The following USP39 variants were observed in gnomAD, a reference collection of about 807,000 sequenced individuals.
USP39 encodes the protein ubiquitin carboxyl-terminal hydrolase 39.
A neutral mutation model predicts 66.4 loss-of-function variants in USP39; 38 were observed. The observed-to-expected ratio is 0.57, with a 90% CI of 0.44 to 0.75. The LOEUF (loss-of-function observed/expected upper bound fraction) is 0.75, where lower values mean the gene tolerates loss of function less well. USP39 is among the 30% of genes least tolerant of loss of function. USP39 has a pLI of 0.00. For missense variants in USP39, 608 were observed against 714.4 expected (o/e 0.85, Z 1.70); for synonymous variants, 303 against 274.6 (o/e 1.10, Z -1.02).
upstream of USP39, chr2:85,611,795 A>G: frequency 1.2e-6 from 2 of 1,610,200 alleles, no homozygotes; most frequent in Non-Finnish European, 1.7e-6. Context: ...CCCTGCGGGG[A>G]GCCGAGCGGG....
chr2:85,611,807 G>A (rs376357460), upstream of USP39: 1,996 of 1,609,568 alleles, frequency 1.2e-3, 40 homozygotes, highest in South Asian at 0.02. Flanking sequence ...CCGAGCGGGA[G>A]TCAGGGACTG....
At chr2:85,630,698 T>G in intron 5 of USP39, 23 bp from the exon 6 acceptor site, 1 of 1,610,940 alleles carries the variant, frequency 6.2e-7, no homozygotes, top group East Asian at 2.2e-5. Context: ...GGCTTTGGGT[T>G]AATCGGAGTG....
chr2:85,632,411 C>T (rs750675816), intron 6 of USP39, among the ~76,000 whole-genome samples: 9 of 151,924 alleles, frequency 5.9e-5, no homozygotes, highest in Non-Finnish European at 1.3e-4. Context: ...CGGAGGAAGA[C>T]CCTGTCTTTA....
At chr2:85,631,313 C>CTTTTTT (rs57173306) in intron 6 of USP39, among the ~76,000 whole-genome samples, 1 of 126,274 alleles carries the variant, frequency 7.9e-6, no homozygotes, top group East Asian at 2.4e-4. Context: ...TGCGCCCGGC[C>CTTTTTT]TTTTTTTTTT....
At position 85,616,335 on chromosome 2, in the gene USP39, C is replaced by T. The variant is rs968925369; in HGVS notation, c.140C>T (p.Pro47Leu). Residue 47 changes from proline (P) to leucine (L), a missense_variant, in exon 1 of 13, where the codon CCT becomes CTT. Physicochemically the swap from Pro to Leu is moderately conservative, Grantham distance 98 (BLOSUM62 -3). Coordinates refer to ENST00000323701, the MANE Select transcript of USP39 (RefSeq NM_006590.4). ...GAGGCGGCGAGCTCCCGGGGCAGCC[C>T]TGTGCGCGTGAAGCGGGAGTTCGAG... is the stretch of plus-strand genomic sequence containing the variant. ...EPEAASSRGS[P>L]VRVKREFEPA... 2 of 1,601,066 alleles carry T rather than the reference C, an allele frequency of 1.2e-6. No homozygotes were observed. Among genetic ancestry groups the T allele is most frequent in the Non-Finnish European group, 1.7e-6 (2 of 1,174,028 alleles).
At chr2:85,614,691 A>T (rs757827525), upstream of USP39, among the ~76,000 whole-genome samples, 1 of 152,188 alleles carries the variant, frequency 6.6e-6, no homozygotes, top group African/African-American at 2.4e-5. Flanking sequence ...GATTAATTTT[A>T]TTATTATATT....
chr2:85,627,526 C>CA (rs1279298691), intron 5 of USP39, among the ~76,000 whole-genome samples: 1 of 151,976 alleles, frequency 6.6e-6, no homozygotes, highest in Non-Finnish European at 1.5e-5. Context: ...CATGGTGGCT[C>CA]ATGCCTCTAA....
At position 85,645,060 on chromosome 2, in the gene USP39, T is replaced by C; in HGVS notation, c.1540T>C (p.Tyr514His). Residue 514 changes from tyrosine (Y) to histidine (H), a missense_variant, in exon 11 of 13, where the codon TAC becomes CAC. By Grantham distance (83) the Tyr-to-His change is moderately conservative. Coordinates refer to ENST00000323701, the MANE Select transcript of USP39 (RefSeq NM_006590.4). ...TGACGGCAAGCCCTCCGAGGGCTCC[T>C]ACCGGATCCACGTGCTTCATCATGT... is the stretch of plus-strand genomic sequence containing the variant. The part of the protein sequence containing the change: ...VHDGKPSEGS[Y>H]RIHVLHHGTG... 2 of 1,614,172 alleles carry C rather than the reference T, an allele frequency of 1.2e-6. No individual in the cohort carries two copies. The highest frequency in any genetic ancestry group is 1.7e-6 in the Non-Finnish European group (2 of 1,180,010).
chr2:85,639,641 A>T (rs1304770877), intron 9 of USP39: 13 of 331,132 alleles, frequency 3.9e-5, no homozygotes, highest in Admixed American at 1.8e-4. Context: ...TTTTTAGTAG[A>T]GACAGCATGT....
At chr2:85,605,683 T>A (rs537813459) in intron 1 of USP39, among the ~76,000 whole-genome samples, 1 of 152,350 alleles carries the variant, frequency 6.6e-6, no homozygotes, top group South Asian at 2.1e-4. Flanking sequence ...AAAGCCCTCA[T>A]TTAAATTTGT....
At chr2:85,613,149 A>T (rs1573382372), upstream of USP39, among the ~76,000 whole-genome samples, 1 of 151,886 alleles carries the variant, frequency 6.6e-6, no homozygotes, top group Admixed American at 6.6e-5. Flanking sequence ...CGCTGGAGGG[A>T]GGAATTTGAG....
chr2:85,616,441 G>C lies in USP39; in HGVS notation c.246G>C (p.Ser82=), dbSNP rs561349868. ...GGGAGCGCGAGGTCGATGAGGACTC[G>C]GAGCCTGAGCGGGAGGTGCGAGGTG... is the stretch of plus-strand genomic sequence containing the variant. ...VKREREVDED[S]EPEREVRAKN... Residue 82 remains serine, a synonymous_variant, in exon 1 of 13, where the codon TCG becomes TCC. Coordinates refer to ENST00000323701, the MANE Select transcript of USP39 (RefSeq NM_006590.4). 3 of 1,567,776 alleles carry C rather than the reference G, an allele frequency of 1.9e-6. No individual in the cohort carries two copies. The African/African-American group carries it at 4.1e-5, about 22-fold the overall frequency.
chr2:85,620,809 T>C (rs188061291), intron 2 of USP39, among the ~76,000 whole-genome samples: 168 of 152,320 alleles, frequency 1.1e-3, no homozygotes, highest in Non-Finnish European at 2.0e-3. Flanking sequence ...GGGATTATTA[T>C]CGGTTAATTA....
chr2:85,628,109 A>C (rs904145711), intron 5 of USP39, among the ~76,000 whole-genome samples: 7 of 152,150 alleles, frequency 4.6e-5, no homozygotes, highest in Non-Finnish European at 7.3e-5. Context: ...GAGACTTTTC[A>C]TCAGATCGTT....
chr2:85,611,599 C>G (rs1673531413), upstream of USP39: 1 of 1,553,776 alleles, frequency 6.4e-7, no homozygotes, highest in Non-Finnish European at 8.7e-7. Flanking sequence ...TGGTTTTTCC[C>G]TATAGAGAAG....
In USP39 at chr2:85,649,021, A is replaced by T. The variant is rs973907647; in HGVS notation, c.*213A>T. On this transcript the variant is annotated 3_prime_UTR_variant, in exon 13 of 13. Coordinates refer to ENST00000323701, the MANE Select transcript of USP39 (RefSeq NM_006590.4). ...TCTTTGATCATTTTTTTCTAGATTG[A>T]TGCTCCTTTCTCCCATGCATTGAGC... 1.6e-6 allele frequency: 1 copy of T among 610,040 alleles called. No individual in the cohort carries two copies. The highest frequency in any genetic ancestry group is 1.8e-5 in the African/African-American group (1 of 54,228). The allele number at this position is 610,040 out of a possible 1,614,324, so 37.8% of individuals were successfully genotyped here. A position where few individuals can be genotyped will look rare whatever the true frequency, so the allele number is the denominator to read the frequency against.
chr2:85,622,345 A>C (rs1674531005), intron 3 of USP39, among the ~76,000 whole-genome samples: 1 of 149,188 alleles, frequency 6.7e-6, no homozygotes, highest in Non-Finnish European at 1.5e-5. Flanking sequence ...CTGGTCTTGA[A>C]CTCCTGACTT....
Position 85,602,933 on chromosome 2 carries a change from G to C in USP39, n.78G>C, listed in dbSNP as rs1168860573. On this transcript the variant is annotated non_coding_transcript_exon_variant, in exon 1 of 13. Coordinates refer to the USP39 transcript ENST00000459775. This position sits in a 1 kb window ranked among gnomAD's most constrained non-coding sequence, Gnocchi z 5.6. Reference sequence around the variant, plus strand: ...TAAAACCGAGATGACTAGAGGTTCCGTTTAACCGATTCCTGCCGGGGAAGC... The same window carrying C: ...TAAAACCGAGATGACTAGAGGTTCCCTTTAACCGATTCCTGCCGGGGAAGC... 1 of 152,394 alleles carries C rather than the reference G, an allele frequency of 6.6e-6. No homozygotes were observed. Among genetic ancestry groups the C allele is most frequent in the African/African-American group, 2.4e-5 (1 of 41,458 alleles). The allele number at this position is 152,394 out of a possible 1,614,324, so 9.4% of individuals were successfully genotyped here. A position where few individuals can be genotyped will look rare whatever the true frequency, so the allele number is the denominator to read the frequency against.
At chr2:85,640,059 G>C (rs116707860) in intron 9 of USP39, among the ~76,000 whole-genome samples, 2,529 of 150,926 alleles carry the variant, frequency 0.017, 67 homozygotes, top group African/African-American at 0.06. Context: ...TTTTTGTAGA[G>C]AGAGTGCTCA....
Sources: allele counts gnomAD v4.1 joint callset (sites outside exome capture counted in the v4.1 genomes callset), GRCh38; gene constraint gnomAD v4.1.1; non-coding constraint Gnocchi (gnomAD v3.1); transcripts MANE v1.5; gene names NCBI Gene and HGNC (gene_info 2026-07-23, HGNC 2026-07-21).